Variants in AGBL4 observed in about 807,000 individuals in gnomAD.
AGBL4 encodes AGBL carboxypeptidase 4.
A neutral mutation model predicts 66.4 loss-of-function variants in AGBL4; 58 were observed. The ratio of observed to expected loss-of-function variants is 0.87; its 90% CI spans 0.71 to 1.09. The LOEUF is 1.09. AGBL4 is among the 50% of genes least tolerant of loss of function. The probability of loss-of-function intolerance (pLI) is 0.00; values close to 1 mark genes in which losing one functional copy is unlikely to be tolerated. For synonymous variants in AGBL4, 234 were observed against 222.9 expected, an observed-to-expected ratio of 1.05 and a Z score of -0.44; for missense variants, 579 against 631.0, an observed-to-expected ratio of 0.92 and a Z score of 0.88.
intron 11 of AGBL4, among the ~76,000 whole-genome samples, chr1:48,545,715 C>T (rs2148272830): frequency 6.6e-6 from 1 of 152,268 alleles, no homozygotes; most frequent in Middle Eastern, 3.4e-3. Context: ...GGAATCAAGA[C>T]ACTCAAAGCA....
intron 1 of AGBL4, among the ~76,000 whole-genome samples, chr1:49,909,830 T>C (rs1441844023): frequency 6.6e-6 from 1 of 152,164 alleles, no homozygotes; most frequent in Non-Finnish European, 1.5e-5. Context: ...AAAGAGAGGA[T>C]TTAAGAATAA....
At chr1:48,894,647 TG>T (rs1288240286) in intron 5 of AGBL4, among the ~76,000 whole-genome samples, 2 of 152,154 alleles carry the variant, frequency 1.3e-5, no homozygotes, top group African/African-American at 4.8e-5. Flanking sequence ...TGATTATACA[TG>T]TAACTTAGTG....
intron 1 of AGBL4, among the ~76,000 whole-genome samples, chr1:49,913,978 G>A (rs970341863): frequency 2.6e-5 from 4 of 152,306 alleles, no homozygotes; most frequent in Admixed American, 6.5e-5. Context: ...GTAATGGAAG[G>A]AGCATCCTTA....
At chr1:48,817,705 C>A in intron 6 of AGBL4, 2 of 255,666 alleles carry the variant, frequency 7.8e-6, no homozygotes, top group South Asian at 7.4e-5. Context: ...TCTTTGCTGC[C>A]CCCACCTGTC....
chr1:48,738,826 G>A (rs1278880038), intron 6 of AGBL4, among the ~76,000 whole-genome samples: 2 of 151,984 alleles, frequency 1.3e-5, no homozygotes, highest in African/African-American at 2.4e-5. Context: ...CCTGGTTCAC[G>A]TACAATGAAC....
rs368349215 is a variant in AGBL4, at chr1:49,801,881, G to A, written c.157+49515C>T. ...ACAGTGTTTGAAATACGTCTGTTAT[G>A]GTGTCATCCTTCTGGAGATAAAGCT... On this transcript the variant is annotated intron_variant, in intron 2 of 13. Transcript: ENST00000371839. Among the ~76,000 whole-genome samples, 38 of 152,274 alleles carry A rather than the reference G, an allele frequency of 2.5e-4. 1 individual carries two copies. The highest frequency in any genetic ancestry group is 9.1e-4 in the African/African-American group (38 of 41,562).
In AGBL4 at chr1:48,539,680, G is replaced by A. The variant is rs780281798; in HGVS notation, c.1326C>T (p.Pro442=). The A allele has an allele frequency of 9.7e-6, 15 of 1,543,900 alleles. No individual in the cohort carries two copies. Among genetic ancestry groups the A allele is most frequent in the African/African-American group, 5.5e-5 (4 of 72,586 alleles). ...RTFLDYYRLN[P]VVEKVAIPMP... ...TGGGAATTGCCACCTTTTCAACCAC[G>A]GGGTTCAGCCGATAATAGTCCAAAA... The change falls in exon 12 of 14, where the codon CCC becomes CCT. Residue 442 remains proline (P), a synonymous_variant. Transcript: ENST00000371839.
At chr1:49,998,209 A>G (rs1236422826) in intron 1 of AGBL4, among the ~76,000 whole-genome samples, 1 of 152,128 alleles carries the variant, frequency 6.6e-6, no homozygotes, top group Admixed American at 6.5e-5. Context: ...CAAGAAAAGA[A>G]GAGAGAAGAT....
intron 2 of AGBL4, among the ~76,000 whole-genome samples, chr1:49,749,329 T>C (rs1651261857): frequency 6.6e-6 from 1 of 152,224 alleles, no homozygotes; most frequent in Admixed American, 6.5e-5. Flanking sequence ...TGTGTGGTGT[T>C]ATTTCTGAGG....
intron 3 of AGBL4, among the ~76,000 whole-genome samples, chr1:49,374,670 T>A (rs1052865807): frequency 2.6e-5 from 4 of 152,124 alleles, no homozygotes; most frequent in African/African-American, 9.7e-5. Context: ...TTTACCTTCA[T>A]CATTTACATC....
rs1643924811 is a variant in AGBL4, at chr1:48,533,635, C to CAT, written c.*536_*537dup. 1 of 158,462 alleles carries CAT rather than the reference C, an allele frequency of 6.3e-6. No individual in the cohort carries two copies. The highest frequency in any genetic ancestry group is 1.4e-5 in the Non-Finnish European group (1 of 72,444). The allele number at this position is 158,462 out of a possible 1,614,324, so 9.8% of individuals were successfully genotyped here. ...AAGCATGCAGCTTAGATACAGTGAC[C>CAT]ATATATTTAAGTCCACCGTTGATTT... is the stretch of plus-strand genomic sequence containing the variant. On this transcript the variant is annotated 3_prime_UTR_variant, in exon 14 of 14. Coordinates refer to ENST00000371839, the MANE Select transcript of AGBL4 (RefSeq NM_032785.4).
rs539577806 is a variant in AGBL4 at position 48,886,710 on chromosome 1, G to A, written c.595-19480C>T. Among the ~76,000 whole-genome samples the A allele has an allele frequency of 3.2e-4, 48 of 152,020 alleles. No homozygotes were observed. The South Asian group carries it at 5.0e-3, about 16-fold the overall frequency. On this transcript the variant is annotated intron_variant, in intron 5 of 13. Transcript: ENST00000371839. ...TGGGACTACAGGCACCTGCCACCACGCCTGGCTAATGTTTTGTATTTTTAG... is the reference window on the plus strand; with the variant it reads ...TGGGACTACAGGCACCTGCCACCACACCTGGCTAATGTTTTGTATTTTTAG...
At chr1:49,831,699 G>A (rs1205562581) in intron 2 of AGBL4, among the ~76,000 whole-genome samples, 2 of 152,112 alleles carry the variant, frequency 1.3e-5, no homozygotes, top group Non-Finnish European at 2.9e-5. Flanking sequence ...GGTTTCAAAG[G>A]GAATTCTTCC....
At chr1:49,584,573 CT>C (rs1203013987) in intron 3 of AGBL4, among the ~76,000 whole-genome samples, 7 of 151,856 alleles carry the variant, frequency 4.6e-5, no homozygotes, top group East Asian at 1.9e-4. Context: ...TGCTCAATTT[CT>C]TTTTTTTCTC....
intron 4 of AGBL4, chr1:49,174,662 A>G (rs1646799165): frequency 6.6e-6 from 1 of 152,126 alleles, no homozygotes; most frequent in African/African-American, 2.4e-5. Context: ...CTGGGAAGGA[A>G]GTAGGCCTGC....
intron 5 of AGBL4, among the ~76,000 whole-genome samples, chr1:48,893,924 T>C (rs1195749907): frequency 6.6e-6 from 1 of 152,160 alleles, no homozygotes; most frequent in Non-Finnish European, 1.5e-5. Context: ...TATGGCAGCC[T>C]GGACTGACTA....
At chr1:49,238,424 A>G (rs556592176) in intron 4 of AGBL4, among the ~76,000 whole-genome samples, 1 of 152,188 alleles carries the variant, frequency 6.6e-6, no homozygotes, top group African/African-American at 2.4e-5. Context: ...TCCATATTCA[A>G]GTTCACTTAT....
intron 1 of AGBL4, among the ~76,000 whole-genome samples, chr1:49,990,309 G>A (rs1297318695): frequency 6.6e-6 from 1 of 152,152 alleles, no homozygotes; most frequent in Admixed American, 6.5e-5. Context: ...ACTGGTGGGA[G>A]GTGATTGAAT....
chr1:50,002,664 C>T (rs12024294), intron 1 of AGBL4, among the ~76,000 whole-genome samples: 40,768 of 151,980 alleles, frequency 0.27, 6,853 homozygotes, highest in Non-Finnish European at 0.37. Context: ...CCACCGCGCC[C>T]GGCCAGCCCT....
Sources: allele counts gnomAD v4.1 joint callset (sites outside exome capture counted in the v4.1 genomes callset), GRCh38; gene constraint gnomAD v4.1.1; transcripts MANE v1.5; gene names NCBI Gene and HGNC (gene_info 2026-07-23, HGNC 2026-07-21).